The following SNX29 variants were observed in gnomAD, a reference collection of about 807,000 sequenced individuals.
SNX29 encodes the protein sorting nexin 29.
In SNX29, 78 loss-of-function variants were observed where a neutral mutation model predicts 102.1. The observed-to-expected ratio is 0.76, with a 90% CI of 0.64 to 0.92. SNX29 has a LOEUF of 0.92. Among genes scored for constraint, SNX29 ranks in the 40% least tolerant of loss-of-function variants. The pLI is 0.00. For missense variants in SNX29, 1,280 were observed against 1,061.7 expected (o/e 1.21, Z -2.86); for synonymous variants, 580 against 414.5 (o/e 1.40, Z -4.85).
intron 13 of SNX29, among the ~76,000 whole-genome samples, chr16:12,183,657 C>T (rs2141851282): frequency 6.6e-6 from 1 of 152,354 alleles, no homozygotes; most frequent in Non-Finnish European, 1.5e-5. Context: ...ACCAGAACAA[C>T]TCCATCTGGA....
At chr16:12,555,619 A>G (rs949143019) in intron 20 of SNX29, among the ~76,000 whole-genome samples, 2 of 151,412 alleles carry the variant, frequency 1.3e-5, no homozygotes, top group African/African-American at 2.4e-5. Context: ...TCCAGTGTGC[A>G]TGCCACACCT....
intron 16 of SNX29, among the ~76,000 whole-genome samples, chr16:12,393,417 C>T (rs960834324): frequency 7.2e-6 from 1 of 139,218 alleles, no homozygotes; most frequent in Admixed American, 6.9e-5. Flanking sequence ...TGCATGCATT[C>T]ATTCATTCAT....
At chr16:12,537,172 G>C (rs2077113732) in intron 20 of SNX29, among the ~76,000 whole-genome samples, 1 of 152,122 alleles carries the variant, frequency 6.6e-6, no homozygotes, top group Non-Finnish European at 1.5e-5. Context: ...TTAGCATAAA[G>C]ATGCCATCCC....
At chr16:12,460,882 C>T (rs567048112) in intron 18 of SNX29, among the ~76,000 whole-genome samples, 40 of 152,276 alleles carry the variant, frequency 2.6e-4, no homozygotes, top group South Asian at 8.3e-4. Context: ...TGGTCTCGAA[C>T]GCCTGACCTC....
At chr16:12,394,892 G>A (rs1239733384) in intron 16 of SNX29, among the ~76,000 whole-genome samples, 1 of 152,162 alleles carries the variant, frequency 6.6e-6, no homozygotes, top group African/African-American at 2.4e-5. Context: ...TTTGTGGAGT[G>A]GGCAGCCTTT....
At chr16:12,244,182 C>A (rs923344030) in intron 14 of SNX29, among the ~76,000 whole-genome samples, 1 of 152,182 alleles carries the variant, frequency 6.6e-6, no homozygotes, top group Non-Finnish European at 1.5e-5. Context: ...TCAACTCCTG[C>A]TGTGTGGCCT....
rs955415747 is a variant in SNX29 at position 12,569,678 on chromosome 16, G to A, written c.*1049G>A. ...CCTCCCATGTCAGGTGGCTCTCAGA[G>A]TACAGGGACCTTGGCAGGTGGAGAG... is the stretch of plus-strand genomic sequence containing the variant. On this transcript the variant is annotated 3_prime_UTR_variant, in exon 21 of 21. Transcript: ENST00000566228. The A allele has an allele frequency of 8.7e-6, 2 of 230,092 alleles. No individual in the cohort carries two copies. Among genetic ancestry groups the A allele is most frequent in the Non-Finnish European group, 1.7e-5 (2 of 116,102 alleles). The allele number at this position is 230,092 out of a possible 1,614,324, so 14.3% of individuals were successfully genotyped here.
intron 18 of SNX29, among the ~76,000 whole-genome samples, chr16:12,407,050 C>T (rs148151707): frequency 5.6e-4 from 86 of 152,340 alleles, no homozygotes; most frequent in African/African-American, 1.6e-3. Flanking sequence ...GTCTGCAGGG[C>T]GGCTGCCTTG....
intron 18 of SNX29, among the ~76,000 whole-genome samples, chr16:12,461,817 A>C (rs965972512): frequency 3.3e-5 from 5 of 150,656 alleles, no homozygotes; most frequent in Non-Finnish European, 5.9e-5. Flanking sequence ...TTAGCCGGGC[A>C]TGGTGGCAGG....
At chr16:11,999,435 T>C in intron 2 of SNX29, 77 bp downstream of exon 2, 1 of 1,424,564 alleles carries the variant, frequency 7.0e-7, no homozygotes. Flanking sequence ...TTCTTCCCTA[T>C]AACATACACA....
chr16:11,983,703 G>C lies in SNX29; in HGVS notation c.7+6890G>C, dbSNP rs987210425. The C allele has an allele frequency of 6.1e-6, 6 of 985,254 alleles. No homozygotes were observed. The African/African-American group carries it at 7.0e-5, about 11-fold the overall frequency. The allele number at this position is 985,254 out of a possible 1,614,324, so 61.0% of individuals were successfully genotyped here. The stretch of plus-strand genomic sequence containing the variant: ...TGGCTATCTTGCCTCCTGGTTGCTT[G>C]ACTCCAGGTAACTGATAGGAACTCA... On this transcript the variant is annotated intron_variant, in intron 1 of 20. Transcript: ENST00000566228.
chr16:12,215,407 T>G (rs1057392221), intron 14 of SNX29, among the ~76,000 whole-genome samples: 1 of 152,092 alleles, frequency 6.6e-6, no homozygotes, highest in African/African-American at 2.4e-5. Flanking sequence ...TAGATTGTTA[T>G]CATCAAGCGC....
intron 13 of SNX29, among the ~76,000 whole-genome samples, chr16:12,181,897 T>G (rs1465965762): frequency 6.6e-6 from 1 of 151,936 alleles, no homozygotes; most frequent in Admixed American, 6.5e-5. Context: ...TTTTTTTTTT[T>G]TCTGGAGACG....
rs1447360713 is a variant in SNX29, at chr16:12,571,694, C to A, written c.*3065C>A. The A allele has an allele frequency of 5.7e-5, 60 of 1,058,322 alleles. No individual in the cohort carries two copies. Among genetic ancestry groups the A allele is most frequent in the Non-Finnish European group, 6.9e-5 (60 of 875,042 alleles). 65.6% of individuals were successfully genotyped at this position (1,058,322 alleles called of 1,614,324 possible). On this transcript the variant is annotated 3_prime_UTR_variant, in exon 21 of 21. Transcript: ENST00000566228. The stretch of plus-strand genomic sequence containing the variant: ...GGCAGAGGTGTCTCTCCTTGAGAGA[C>A]AACAAAAGCTTCTAAGGGAGGGAGC...
intron 14 of SNX29, among the ~76,000 whole-genome samples, chr16:12,234,300 A>G (rs2077859109): frequency 1.3e-5 from 2 of 152,068 alleles, no homozygotes; most frequent in Admixed American, 1.3e-4. Context: ...CATTTCCCTG[A>G]TGGTTGATGG....
chr16:12,414,163 T>C (rs2084528112), intron 18 of SNX29, among the ~76,000 whole-genome samples: 1 of 152,188 alleles, frequency 6.6e-6, no homozygotes, highest in Non-Finnish European at 1.5e-5. Flanking sequence ...CTGTGGTCGG[T>C]TGAATCTGTG....
chr16:12,025,205 G>C (rs1191664207), intron 3 of SNX29, among the ~76,000 whole-genome samples: 2 of 151,408 alleles, frequency 1.3e-5, no homozygotes, highest in Non-Finnish European at 2.9e-5. Context: ...GGGAGGCTGA[G>C]GCAGGAGAAT....
rs2052852717 is a variant in SNX29, at chr16:12,098,231, TA to T, written c.1402+19317del. Among the ~76,000 whole-genome samples, 1 of 152,158 alleles carries T rather than the reference TA, an allele frequency of 6.6e-6. No individual in the cohort carries two copies. Among genetic ancestry groups the T allele is most frequent in the Admixed American group, 6.6e-5 (1 of 15,264 alleles). On this transcript the variant is annotated intron_variant, in intron 11 of 20. Coordinates refer to ENST00000566228, the MANE Select transcript of SNX29 (RefSeq NM_032167.5). This position sits in a 1 kb window ranked among gnomAD's most constrained non-coding sequence, Gnocchi z 6.0. ...TCTCCCTCCTGCCCTAGACCTTAAA[TA>T]TTAATGTTAAAAATTTGTATTTAAA...
At chr16:12,541,664 C>T (rs759608714) in intron 20 of SNX29, among the ~76,000 whole-genome samples, 19 of 152,172 alleles carry the variant, frequency 1.2e-4, no homozygotes, top group East Asian at 1.2e-3. Context: ...CTAATGCAGC[C>T]GTGCTGACAC....
Sources: gnomAD v4.1 joint callset for allele counts (sites outside exome capture counted in the v4.1 genomes callset) on GRCh38, gnomAD v4.1.1 for gene constraint, Gnocchi (gnomAD v3.1) non-coding constraint, MANE v1.5 for transcripts, NCBI Gene and HGNC (gene_info 2026-07-23, HGNC 2026-07-21) for gene names.